The following SPECC1 variants were observed in gnomAD, a reference collection of about 807,000 sequenced individuals.
The protein encoded by SPECC1 is sperm antigen with calponin homology and coiled-coil domains 1.
In SPECC1, 62 loss-of-function variants were observed where a neutral mutation model predicts 104.1. The observed-to-expected ratio is 0.60, with a 90% CI of 0.49 to 0.74. The LOEUF (loss-of-function observed/expected upper bound fraction) is 0.74. SPECC1 is among the 30% of genes least tolerant of loss of function. SPECC1 has a pLI of 0.00. For missense variants in SPECC1, 1,306 were observed against 1,310.5 expected (o/e 1.00, Z 0.05); for synonymous variants, 513 against 501.6 (o/e 1.02, Z -0.30).
chr17:20,174,833 G>T (rs779733673), intron 3 of SPECC1, among the ~76,000 whole-genome samples: 1 of 151,870 alleles, frequency 6.6e-6, no homozygotes, highest in Non-Finnish European at 1.5e-5. Context: ...ATTTTCTTCC[G>T]CTCCTTGCCG....
At chr17:20,100,741 G>A (rs950944396) in intron 2 of SPECC1, among the ~76,000 whole-genome samples, 12 of 152,116 alleles carry the variant, frequency 7.9e-5, no homozygotes, top group Non-Finnish European at 1.5e-5. Flanking sequence ...GTGCTTTGCT[G>A]TGCCTATCAA....
chr17:20,291,218 A>G (rs1346470586), intron 12 of SPECC1, among the ~76,000 whole-genome samples: 5 of 152,114 alleles, frequency 3.3e-5, no homozygotes, highest in Admixed American at 2.6e-4. Flanking sequence ...GAAGGAATCA[A>G]AGTTTCACCA....
intron 2 of SPECC1, among the ~76,000 whole-genome samples, chr17:20,108,151 C>T (rs1224280478): frequency 6.6e-6 from 1 of 151,730 alleles, no homozygotes; most frequent in African/African-American, 2.4e-5. Context: ...GTATTTAATA[C>T]CACTGAATTG....
At position 20,263,830 on chromosome 17, in the gene SPECC1, A is replaced by G. The variant is rs555282483; in HGVS notation, c.2940+3536A>G. On this transcript the variant is annotated intron_variant, in intron 12 of 14. Coordinates refer to ENST00000395527, the MANE Select transcript of SPECC1 (RefSeq NM_001243439.2). ...TTGTTGTAATGCAGGGAAGAGACAG[A>G]CAATAAGATGTTTCCAGTCAGGATC... is the stretch of plus-strand genomic sequence containing the variant. Among the ~76,000 whole-genome samples, 11 of 152,296 alleles carry G rather than the reference A, an allele frequency of 7.2e-5. No homozygotes were observed. The South Asian group carries it at 2.1e-3, about 29-fold the overall frequency.
chr17:20,021,905 TTTTA>T (rs1176984386), intron 1 of SPECC1, among the ~76,000 whole-genome samples: 3 of 147,990 alleles, frequency 2.0e-5, no homozygotes, highest in Admixed American at 6.8e-5. Context: ...GTCTCTCTCT[TTTTA>T]TTTATTTACT....
intron 4 of SPECC1, among the ~76,000 whole-genome samples, chr17:20,207,592 T>A (rs1021045776): frequency 3.9e-5 from 6 of 152,220 alleles, no homozygotes; most frequent in African/African-American, 7.2e-5. Context: ...AAAAATAGCT[T>A]ATTTTTTTCT....
intron 13 of SPECC1, 82 bp downstream of exon 13, chr17:20,297,159 T>A: frequency 8.3e-7 from 1 of 1,209,480 alleles, no homozygotes; most frequent in South Asian, 1.3e-5. Flanking sequence ...GGGAGGGGGC[T>A]TACAGGCCTG....
intron 12 of SPECC1, among the ~76,000 whole-genome samples, chr17:20,275,376 A>G (rs1454715063): frequency 6.6e-6 from 1 of 152,104 alleles, no homozygotes; most frequent in Non-Finnish European, 1.5e-5. Context: ...TGTTTTTGTT[A>G]TGATGTTAGT....
chr17:20,142,436 G>C lies in SPECC1; in HGVS notation c.283+31874G>C, dbSNP rs957349318. On this transcript the variant is annotated intron_variant, in intron 3 of 14. Coordinates refer to ENST00000395527, the MANE Select transcript of SPECC1 (RefSeq NM_001243439.2). ...GCAACCCAAGTGTCCATCAACAGAT[G>C]CGTAGATCAACAAAAATGTGGTATA... Among the ~76,000 whole-genome samples, 3 of 152,172 alleles carry C rather than the reference G, an allele frequency of 2.0e-5. No homozygotes were observed. The East Asian group carries it at 5.8e-4, about 29-fold the overall frequency.
At chr17:20,021,623 A>G (rs923206290) in intron 1 of SPECC1, among the ~76,000 whole-genome samples, 2 of 150,022 alleles carry the variant, frequency 1.3e-5, no homozygotes, top group Non-Finnish European at 3.0e-5. Context: ...CTGCACCACT[A>G]CCTTCCCCAG....
chr17:20,204,479 A>G lies in SPECC1; in HGVS notation c.430A>G (p.Thr144Ala), dbSNP rs758404946. 5 of 1,613,952 alleles carry G rather than the reference A, an allele frequency of 3.1e-6. No homozygotes were observed. Among genetic ancestry groups the G allele is most frequent in the Non-Finnish European group, 2.5e-6 (3 of 1,180,036 alleles). ...AACTTCTTCCAACACTCCCACTCCT[A>G]CGAAACACCTGAGGACCCCTTCCAC... ...SPTSSNTPTP[T>A]KHLRTPSTKP... Residue 144 changes from threonine to alanine, a missense_variant, in exon 4 of 15, where the codon ACG (threonine) becomes GCG (alanine). Physicochemically the swap from Thr to Ala is moderately conservative, Grantham distance 58 (BLOSUM62 0). Transcript: ENST00000395527.
intron 12 of SPECC1, among the ~76,000 whole-genome samples, chr17:20,260,844 TG>T (rs1240235005): frequency 6.6e-6 from 1 of 151,930 alleles, no homozygotes; most frequent in East Asian, 1.9e-4. Context: ...GTAGGGGATG[TG>T]GGTCAGTTTA....
chr17:20,237,361 C>A (rs2038981425), intron 7 of SPECC1: 20 of 909,380 alleles, frequency 2.2e-5, no homozygotes, highest in Non-Finnish European at 2.7e-5. Flanking sequence ...GTTGCCCAGG[C>A]TGGAGTGCAA....
At chr17:20,097,997 C>G (rs1446188755) in intron 2 of SPECC1, among the ~76,000 whole-genome samples, 3 of 152,190 alleles carry the variant, frequency 2.0e-5, no homozygotes, top group Non-Finnish European at 2.9e-5. Context: ...ACAGCCCTGT[C>G]CCCATTGAGA....
chr17:20,214,566 G>T (rs1410329527), intron 4 of SPECC1, among the ~76,000 whole-genome samples: 1 of 152,154 alleles, frequency 6.6e-6, no homozygotes, highest in African/African-American at 2.4e-5. Flanking sequence ...GAGTGCAGTG[G>T]TGCATCTCTT....
intron 11 of SPECC1, among the ~76,000 whole-genome samples, chr17:20,258,440 T>C (rs551621759): frequency 6.6e-6 from 1 of 152,284 alleles, no homozygotes; most frequent in Non-Finnish European, 1.5e-5. Context: ...TTCAGCTGCT[T>C]CCTCTCCCCT....
chr17:20,178,810 A>G (rs1346573986), intron 3 of SPECC1, among the ~76,000 whole-genome samples: 3 of 152,248 alleles, frequency 2.0e-5, no homozygotes, highest in African/African-American at 7.2e-5. Flanking sequence ...GAAGAAACCC[A>G]TCTGAGCTGA....
intron 3 of SPECC1, among the ~76,000 whole-genome samples, chr17:20,176,569 AAG>A (rs1261170243): frequency 6.6e-6 from 1 of 152,192 alleles, no homozygotes; most frequent in Non-Finnish European, 1.5e-5. Context: ...TAGAGGTTAG[AAG>A]TCTAAAGTCA....
Position 20,232,266 on chromosome 17 carries a change from A to G in SPECC1, c.2212A>G (p.Ile738Val), listed in dbSNP as rs2038634444. 1 of 1,614,078 alleles carries G rather than the reference A, an allele frequency of 6.2e-7. No homozygotes were observed. The highest frequency in any genetic ancestry group is 1.3e-5 in the African/African-American group (1 of 74,940). ...GACCGCAGTGGTGGTGGCCAATGAC[A>G]TCAAGTGTGAGGCCCAGCAGGAGCT... ...LQTAVVVAND[I>V]KCEAQQELRT... is the part of the protein sequence containing the mutation. Residue 738 changes from isoleucine (I) to valine (V), a missense_variant, in exon 7 of 15, where the codon ATC becomes GTC. Physicochemically the swap from Ile to Val is conservative, Grantham distance 29. Transcript: ENST00000395527.
Sources: allele counts gnomAD v4.1 joint callset (sites outside exome capture counted in the v4.1 genomes callset), GRCh38; gene constraint gnomAD v4.1.1; transcripts MANE v1.5; gene names NCBI Gene and HGNC (gene_info 2026-07-23, HGNC 2026-07-21).